The following TOX variants were observed in gnomAD, a reference collection of about 807,000 sequenced individuals.
TOX encodes thymocyte selection-associated high mobility group box protein TOX.
Under a neutral mutation model 53.7 loss-of-function variants are expected in TOX, and 11 were observed. That is an observed-to-expected ratio of 0.20 (90% CI 0.13 to 0.34). TOX has a LOEUF of 0.34. TOX is among the 10% of genes least tolerant of loss of function. The pLI is 1.00. For synonymous variants in TOX, 225 were observed against 245.3 expected, an observed-to-expected ratio of 0.92 and a Z score of 0.77; for missense variants, 570 against 664.6, an observed-to-expected ratio of 0.86 and a Z score of 1.56.
chr8:59,065,064 T>C (rs1228014236), intron 1 of TOX, among the ~76,000 whole-genome samples: 1 of 152,100 alleles, frequency 6.6e-6, no homozygotes, highest in Non-Finnish European at 1.5e-5. Flanking sequence ...CAAGCTCAGG[T>C]TCAAGCTAAA....
chr8:58,860,020 C>G (rs1398301970), intron 3 of TOX, among the ~76,000 whole-genome samples: 1 of 152,136 alleles, frequency 6.6e-6, no homozygotes, highest in Non-Finnish European at 1.5e-5. Flanking sequence ...CCAGCAGATC[C>G]AGAAAGAAGT....
intron 1 of TOX, among the ~76,000 whole-genome samples, chr8:59,003,506 T>G (rs1048959608): frequency 6.6e-6 from 1 of 152,124 alleles, no homozygotes; most frequent in Non-Finnish European, 1.5e-5. Context: ...ACGAGGATTG[T>G]GGAAAAGTAC....
At chr8:59,021,951 G>C (rs1006602060) in intron 1 of TOX, among the ~76,000 whole-genome samples, 2 of 152,150 alleles carry the variant, frequency 1.3e-5, no homozygotes, top group African/African-American at 4.8e-5. Flanking sequence ...CAGTCTGTAT[G>C]TGAGAAATTT....
chr8:59,108,655 AAC>A (rs3084429), intron 1 of TOX, among the ~76,000 whole-genome samples: 39,960 of 147,222 alleles, frequency 0.27, 5,547 homozygotes, highest in East Asian at 0.49. Context: ...TCATAAAGGA[AAC>A]ACACACACAC....
intron 3 of TOX, among the ~76,000 whole-genome samples, chr8:58,938,358 C>T (rs997832686): frequency 1.3e-5 from 2 of 152,050 alleles, no homozygotes; most frequent in African/African-American, 4.8e-5. Context: ...CAGTACTGTT[C>T]GATGACTTAT....
intron 3 of TOX, among the ~76,000 whole-genome samples, chr8:58,926,490 T>C (rs13439832): frequency 0.013 from 1,972 of 152,328 alleles, 56 homozygotes; most frequent in African/African-American, 0.045. Context: ...CTTTGGCTTT[T>C]GTGAAGGCAC....
At chr8:58,998,529 A>AAAAATT (rs1242406325) in intron 1 of TOX, among the ~76,000 whole-genome samples, 4 of 15,850 alleles carry the variant, frequency 2.5e-4, no homozygotes, top group Non-Finnish European at 4.1e-4. Flanking sequence ...ATATATATAT[A>AAAAATT]TATATATATA....
chr8:58,824,133 G>A (rs1323135130), intron 6 of TOX, among the ~76,000 whole-genome samples: 1 of 152,150 alleles, frequency 6.6e-6, no homozygotes, highest in African/African-American at 2.4e-5. Context: ...GGACTCATGA[G>A]CAGCATGGCC....
intron 1 of TOX, among the ~76,000 whole-genome samples, chr8:59,049,105 A>C (rs879781821): frequency 6.6e-6 from 1 of 152,014 alleles, no homozygotes; most frequent in Non-Finnish European, 1.5e-5. Flanking sequence ...CGGTAATGAA[A>C]ATGAAAAAAA....
At chr8:59,108,324 T>C (rs543558698) in intron 1 of TOX, among the ~76,000 whole-genome samples, 1 of 152,268 alleles carries the variant, frequency 6.6e-6, no homozygotes, top group African/African-American at 2.4e-5. Flanking sequence ...TATTGTGCAA[T>C]GAAAATGGTG....
chr8:58,972,511 C>T (rs570018669), intron 1 of TOX, among the ~76,000 whole-genome samples: 4 of 152,050 alleles, frequency 2.6e-5, no homozygotes, highest in Admixed American at 6.6e-5. Flanking sequence ...TATAGTAGTA[C>T]GACATAGGAT....
At position 58,815,628 on chromosome 8, in the gene TOX, C is replaced by G; in HGVS notation, c.1102G>C (p.Ala368Pro). ...TGATAGTGGGAACTTAGGTACAGGG[C>G]CGAGTGGGCCTGGCTGGGCCCATGG... The part of the protein sequence containing the change: ...VFHGPSQAHS[A>P]LYLSSHYHQQ... Residue 368 changes from alanine to proline, a missense_variant, in exon 7 of 9, where the codon GCC (alanine) becomes CCC (proline). Transcript: ENST00000361421. 1 of 1,614,048 alleles carries G rather than the reference C, an allele frequency of 6.2e-7. No homozygotes were observed.
chr8:58,809,469 T>TG (rs1810041543), intron 7 of TOX, among the ~76,000 whole-genome samples: 1 of 152,188 alleles, frequency 6.6e-6, no homozygotes, highest in Non-Finnish European at 1.5e-5. Context: ...AGATATTAAG[T>TG]TTATTTCCTA....
At chr8:59,005,353 T>C (rs1396227089) in intron 1 of TOX, among the ~76,000 whole-genome samples, 1 of 152,216 alleles carries the variant, frequency 6.6e-6, no homozygotes, top group Non-Finnish European at 1.5e-5. Flanking sequence ...AATATCATTA[T>C]TGTAAGTAGT....
chr8:58,950,906 G>A (rs1383483033), intron 2 of TOX, among the ~76,000 whole-genome samples: 1 of 152,190 alleles, frequency 6.6e-6, no homozygotes. Flanking sequence ...GGAATCCAGG[G>A]ACAGCAAATA....
At chr8:58,844,433 T>G (rs1430183770) in intron 4 of TOX, among the ~76,000 whole-genome samples, 1 of 152,044 alleles carries the variant, frequency 6.6e-6, no homozygotes, top group Non-Finnish European at 1.5e-5. Context: ...GACTGGAGAG[T>G]TAAATTTTAT....
At chr8:59,031,105 G>T (rs979925049) in intron 1 of TOX, among the ~76,000 whole-genome samples, 1 of 152,156 alleles carries the variant, frequency 6.6e-6, no homozygotes, top group Non-Finnish European at 1.5e-5. Context: ...TTCCAGTTGG[G>T]TATGACAGGT....
In TOX at chr8:58,985,605, T is replaced by C. The variant is rs775859383; in HGVS notation, c.103-25597A>G. 2.2e-4 allele frequency among the ~76,000 whole-genome samples: 33 copies of C among 152,206 alleles called. 1 individual carries two copies. The highest frequency in any genetic ancestry group is 2.2e-3 in the Admixed American group (33 of 15,288). On this transcript the variant is annotated intron_variant, in intron 1 of 8. Coordinates refer to ENST00000361421, the MANE Select transcript of TOX (RefSeq NM_014729.3). ...GTGTGAATATATGTAATACACTGAA[T>C]TGCACACTTAAAGTGGTTAGGATGG... is the stretch of plus-strand genomic sequence containing the variant.
chr8:59,070,506 AACACACACAC>A (rs371344375), intron 1 of TOX, among the ~76,000 whole-genome samples: 78 of 140,228 alleles, frequency 5.6e-4, no homozygotes, highest in African/African-American at 8.5e-4. Flanking sequence ...TGTCAAGGAA[AACACACACAC>A]ACACACACAC....
Sources: gnomAD v4.1 joint callset for allele counts (sites outside exome capture counted in the v4.1 genomes callset) on GRCh38, gnomAD v4.1.1 for gene constraint, MANE v1.5 for transcripts, NCBI Gene and HGNC (gene_info 2026-07-23, HGNC 2026-07-21) for gene names.